The following TBX18 variants were observed in gnomAD, a reference collection of about 807,000 sequenced individuals.
TBX18 encodes the protein T-box transcription factor TBX18.
TBX18 carries 21 observed loss-of-function variants against 55.0 expected under a neutral mutation model. The observed-to-expected ratio is 0.38, with a 90% CI of 0.27 to 0.55. TBX18 has a LOEUF of 0.55. Among genes scored for constraint, TBX18 ranks in the 20% least tolerant of loss-of-function variants. The pLI is 0.73. For synonymous variants in TBX18, 342 were observed against 326.1 expected (o/e 1.05, Z -0.53); for missense variants, 840 against 799.6 (o/e 1.05, Z -0.61).
At chr6:84,762,254 C>G (rs955090076) in intron 2 of TBX18, among the ~76,000 whole-genome samples, 5 of 152,096 alleles carry the variant, frequency 3.3e-5, no homozygotes, top group Non-Finnish European at 5.9e-5. Flanking sequence ...AAATTTATAA[C>G]CGCCCTGAAC....
chr6:84,743,419 G>C (rs533172588), intron 6 of TBX18, among the ~76,000 whole-genome samples: 10 of 152,238 alleles, frequency 6.6e-5, no homozygotes, highest in African/African-American at 2.4e-4. Context: ...TTTTCAAGGA[G>C]TATTAGAATA....
rs527947997 is a variant in TBX18, at chr6:84,737,684, C to T, written c.1100-275G>A. On this transcript the variant is annotated intron_variant, in intron 7 of 7. Coordinates refer to ENST00000369663, the MANE Select transcript of TBX18 (RefSeq NM_001080508.3). Reference sequence around the variant, plus strand: ...TTAGAGAGGGTAGTTAACCCTGTGTCCAACCAATGGCAGTGATGGTGCCCC... The same window carrying T: ...TTAGAGAGGGTAGTTAACCCTGTGTTCAACCAATGGCAGTGATGGTGCCCC... Among the ~76,000 whole-genome samples the T allele has an allele frequency of 3.2e-4, 48 of 152,294 alleles. 1 individual carries two copies. The South Asian group carries it at 1.0e-2, about 32-fold the overall frequency.
In TBX18 at chr6:84,736,832, C is replaced by T. The variant is rs141651641; in HGVS notation, c.1677G>A (p.Pro559=). 2.8e-4 allele frequency: 446 copies of T among 1,613,982 alleles called. No individual in the cohort carries two copies. Among genetic ancestry groups the T allele is most frequent in the Middle Eastern group, 1.2e-3 (7 of 6,058 alleles). ...SSQGSFLGSS[P]SGTMTDRQML... ...TCTGCCGATCCGTCATGGTCCCACT[C>T]GGTGAGGACCCCAAGAAACTTCCTT... is the stretch of plus-strand genomic sequence containing the variant. The change falls in exon 8 of 8, where the codon CCG becomes CCA. Residue 559 remains proline, a synonymous_variant. Coordinates refer to ENST00000369663, the MANE Select transcript of TBX18 (RefSeq NM_001080508.3).
intron 6 of TBX18, among the ~76,000 whole-genome samples, chr6:84,743,165 C>A (rs573103772): frequency 2.6e-5 from 4 of 152,182 alleles, no homozygotes. Flanking sequence ...GATCTACCTG[C>A]ACTAAGTTGA....
Position 84,762,896 on chromosome 6 carries a change from A to G in TBX18, c.293-148T>C, listed in dbSNP as rs528633178. On this transcript the variant is annotated intron_variant, in intron 1 of 7. Transcript: ENST00000369663. Reference sequence around the variant, plus strand: ...GTGCCATCAGGTCCTCCTAAAGAACAAGCCAGTCGATAGACACCCACATTC... The same window carrying G: ...GTGCCATCAGGTCCTCCTAAAGAACGAGCCAGTCGATAGACACCCACATTC... 4.2e-6 allele frequency: 3 copies of G among 721,774 alleles called. No individual in the cohort carries two copies. The South Asian group carries it at 5.3e-5, about 13-fold the overall frequency. The allele number at this position is 721,774 out of a possible 1,614,324, so 44.7% of individuals were successfully genotyped here. A position where few individuals can be genotyped will look rare whatever the true frequency, so the allele number is the denominator to read the frequency against.
chr6:84,744,417 T>G, intron 5 of TBX18, 92 bp from the exon 6 acceptor site: 1 of 1,037,310 alleles, frequency 9.6e-7, no homozygotes, highest in Non-Finnish European at 1.5e-6. Flanking sequence ...AAAAGTTAAC[T>G]GTTAGAGGAC....
Position 84,732,653 on chromosome 6 carries a change from T to C in TBX18, c.*4032A>G, listed in dbSNP as rs1773835217. 6.6e-6 allele frequency: 1 copy of C among 152,114 alleles called. No individual in the cohort carries two copies. Among genetic ancestry groups the C allele is most frequent in the African/African-American group, 2.4e-5 (1 of 41,448 alleles). 9.4% of individuals were successfully genotyped at this position (152,114 alleles called of 1,614,324 possible). On this transcript the variant is annotated 3_prime_UTR_variant, in exon 8 of 8. Transcript: ENST00000369663. ...TATTAATGTCTTTTACTATTCACTA[T>C]AAAGTAGCAAATACGTTACTAAGTA...
intron 5 of TBX18, among the ~76,000 whole-genome samples, chr6:84,745,448 C>T (rs1400488674): frequency 6.6e-6 from 1 of 152,066 alleles, no homozygotes; most frequent in Non-Finnish European, 1.5e-5. Context: ...AGGACAAAAA[C>T]TGTTAAATAA....
intron 4 of TBX18, 50 bp downstream of exon 4, chr6:84,756,648 T>A: frequency 1.3e-6 from 2 of 1,539,590 alleles, no homozygotes; most frequent in Non-Finnish European, 1.8e-6. Context: ...AGGCACAGTG[T>A]AGATGTGGCT....
rs971023700 is a variant in TBX18 at position 84,750,961 on chromosome 6, G to A, written c.772-2874C>T. ...AGTGATATTCACTTGATATTTTGGG[G>A]AGCAGGGGAGTTTAAGGGAGAACCC... is the stretch of plus-strand genomic sequence containing the variant. On this transcript the variant is annotated intron_variant, in intron 4 of 7. Transcript: ENST00000369663. Among the ~76,000 whole-genome samples, 5 of 152,012 alleles carry A rather than the reference G, an allele frequency of 3.3e-5. No homozygotes were observed. In the South Asian group the frequency reaches 8.3e-4, roughly 25 times the overall value.
rs553900863 is a variant in TBX18, at chr6:84,760,461, G to A, written c.498-105C>T. The A allele has an allele frequency of 9.3e-6, 6 of 645,326 alleles. No individual in the cohort carries two copies. In the East Asian group the frequency reaches 1.7e-4, roughly 18 times the overall value. The allele number at this position is 645,326 out of a possible 1,614,324, so 40.0% of individuals were successfully genotyped here. ...CTCTTGGATCTCTATTTTTAATATG[G>A]ATAAATTTATAGTATTCACTTTGCC... On this transcript the variant is annotated intron_variant, in intron 2 of 7. Transcript: ENST00000369663.
rs1008186438 is a variant in TBX18, at chr6:84,764,370, G to C, written c.-189C>G. 3.2e-5 allele frequency: 26 copies of C among 817,126 alleles called. No individual in the cohort carries two copies. Among genetic ancestry groups the C allele is most frequent in the Middle Eastern group, 3.8e-4 (1 of 2,608 alleles). 50.6% of individuals were successfully genotyped at this position (817,126 alleles called of 1,614,324 possible). ...TCGCTTGTGTTGGGATCCAGGAACCGGCGACGCGCCGGCCAAGTCTCCTTT... is the reference window on the plus strand; with the variant it reads ...TCGCTTGTGTTGGGATCCAGGAACCCGCGACGCGCCGGCCAAGTCTCCTTT... On this transcript the variant is annotated 5_prime_UTR_variant, in exon 1 of 8. Transcript: ENST00000369663.
intron 4 of TBX18, among the ~76,000 whole-genome samples, chr6:84,748,924 A>G (rs144194838): frequency 9.1e-4 from 139 of 152,374 alleles, no homozygotes; most frequent in African/African-American, 3.1e-3. Flanking sequence ...ACAATGAAAT[A>G]CAGCATTATT....
intron 4 of TBX18, among the ~76,000 whole-genome samples, chr6:84,751,431 T>C (rs1370221415): frequency 6.6e-6 from 1 of 152,236 alleles, no homozygotes; most frequent in Non-Finnish European, 1.5e-5. Context: ...CAACTATCAA[T>C]AGTAATCTGA....
rs1773874332 is a variant in TBX18 at position 84,734,078 on chromosome 6, C to T, written c.*2607G>A. The T allele has an allele frequency of 6.6e-6, 1 of 152,150 alleles. No individual in the cohort carries two copies. The highest frequency in any genetic ancestry group is 6.5e-5 in the Admixed American group (1 of 15,274). 9.4% of individuals were successfully genotyped at this position (152,150 alleles called of 1,614,324 possible). ...AGCAACCTCACCCCATCGCGATGTC[C>T]CTTGGAATGTTTACTAGTCAAGGGG... On this transcript the variant is annotated 3_prime_UTR_variant, in exon 8 of 8. Transcript: ENST00000369663.
At chr6:84,749,332 G>A (rs936074270) in intron 4 of TBX18, among the ~76,000 whole-genome samples, 2 of 152,162 alleles carry the variant, frequency 1.3e-5, no homozygotes, top group African/African-American at 4.8e-5. Context: ...GTAGTGGTTG[G>A]CCTGCCTTGT....
At chr6:84,758,914 CTT>C (rs1326642160) in intron 3 of TBX18, among the ~76,000 whole-genome samples, 1 of 152,072 alleles carries the variant, frequency 6.6e-6, no homozygotes, top group Non-Finnish European at 1.5e-5. Flanking sequence ...TCTGAAATGT[CTT>C]TATTTCTATG....
chr6:84,745,473 C>A (rs1443276124), intron 5 of TBX18, among the ~76,000 whole-genome samples: 1 of 152,098 alleles, frequency 6.6e-6, no homozygotes, highest in African/African-American at 2.4e-5. Flanking sequence ...CATCTGCAGT[C>A]CCCCTACATT....
At chr6:84,763,730 G>A (rs1767725631) in intron 1 of TBX18, among the ~76,000 whole-genome samples, 160 bp downstream of exon 1, 1 of 152,188 alleles carries the variant, frequency 6.6e-6, no homozygotes, top group Non-Finnish European at 1.5e-5. Context: ...TCTGGAGGGT[G>A]ACCAGGTTGC....
Sources: gnomAD v4.1 joint callset for allele counts (sites outside exome capture counted in the v4.1 genomes callset) on GRCh38, gnomAD v4.1.1 for gene constraint, MANE v1.5 for transcripts, NCBI Gene and HGNC (gene_info 2026-07-23, HGNC 2026-07-21) for gene names.